The following ABR variants were observed in gnomAD, a reference collection of about 807,000 sequenced individuals.
ABR encodes the protein active breakpoint cluster region-related protein.
In ABR, 35 loss-of-function variants were observed where a neutral mutation model predicts 107.2. That is an observed-to-expected ratio of 0.33 (90% CI 0.25 to 0.43). ABR has a LOEUF of 0.43. Ranked by LOEUF, ABR falls within the 20% of genes least tolerant of loss-of-function variation. The pLI is 1.00. For missense variants in ABR, 815 were observed against 1,115.2 expected (o/e 0.73, Z 3.83); for synonymous variants, 498 against 462.0 (o/e 1.08, Z -1.00).
chr17:1,033,749 AC>A (rs1184078031), intron 16 of ABR, among the ~76,000 whole-genome samples: 5 of 152,142 alleles, frequency 3.3e-5, no homozygotes, highest in Non-Finnish European at 7.4e-5. Flanking sequence ...CAACAGCCTC[AC>A]CAGCACCGCC....
chr17:1,152,585 C>T (rs2040843793), intron 1 of ABR, among the ~76,000 whole-genome samples: 1 of 151,356 alleles, frequency 6.6e-6, no homozygotes, highest in Admixed American at 6.6e-5. Context: ...GAGTGAAACT[C>T]TGTCTCAAAA....
At chr17:1,175,345 G>A (rs891208007) in intron 1 of ABR, among the ~76,000 whole-genome samples, 18 of 152,314 alleles carry the variant, frequency 1.2e-4, no homozygotes, top group African/African-American at 4.3e-4. Flanking sequence ...CGGGGAGGCG[G>A]AGGTTGCAGT....
intron 1 of ABR, among the ~76,000 whole-genome samples, chr17:1,135,526 G>A (rs2040023374): frequency 6.6e-6 from 1 of 151,862 alleles, no homozygotes; most frequent in African/African-American, 2.4e-5. Context: ...ATGAGAGAGG[G>A]AAGAGCAGCT....
At chr17:1,012,326 G>A (rs759705974) in intron 18 of ABR, 76 of 639,204 alleles carry the variant, frequency 1.2e-4, no homozygotes, top group East Asian at 6.4e-5. Context: ...CTGAGACAAG[G>A]GGCCAGGGTG....
At chr17:1,139,644 A>G (rs2040214829) in intron 1 of ABR, among the ~76,000 whole-genome samples, 1 of 151,866 alleles carries the variant, frequency 6.6e-6, no homozygotes, top group Non-Finnish European at 1.5e-5. Flanking sequence ...CCTCCGTACC[A>G]TTATGACTCA....
chr17:1,119,989 G>A (rs183078780), intron 2 of ABR, among the ~76,000 whole-genome samples: 248 of 152,262 alleles, frequency 1.6e-3, no homozygotes, highest in African/African-American at 5.7e-3. Flanking sequence ...CCAACTCCTG[G>A]GCTCAAGCGA....
intron 1 of ABR, among the ~76,000 whole-genome samples, chr17:1,196,929 C>T (rs139070141): frequency 0.055 from 8,377 of 151,734 alleles, 906 homozygotes; most frequent in African/African-American, 0.19. Flanking sequence ...CTCCTGACCT[C>T]GTGATCCATC....
chr17:1,067,759 G>A (rs2258173), intron 9 of ABR, among the ~76,000 whole-genome samples: 28,972 of 152,022 alleles, frequency 0.19, 3,089 homozygotes, highest in South Asian at 0.25. Flanking sequence ...GTTGATTAGT[G>A]ATGTCTGCCA....
chr17:1,088,689 G>A (rs1482955148), intron 4 of ABR, among the ~76,000 whole-genome samples: 7 of 151,828 alleles, frequency 4.6e-5, no homozygotes, highest in South Asian at 2.1e-4. Context: ...GAGTTCAAGC[G>A]ATTCTCCCAC....
At chr17:1,063,193 C>T (rs75720615) in intron 10 of ABR, among the ~76,000 whole-genome samples, 2 of 100,688 alleles carry the variant, frequency 2.0e-5, no homozygotes, top group African/African-American at 8.1e-5. Context: ...GAACTGAGGG[C>T]TATGCATGTT....
rs568189434 is a variant in ABR, at chr17:1,108,466, C to A, written c.247-7731G>T. 8.5e-5 allele frequency among the ~76,000 whole-genome samples: 13 copies of A among 152,384 alleles called. No individual in the cohort carries two copies. The South Asian group carries it at 2.5e-3, about 29-fold the overall frequency. ...GCCTCCAAGCCAGCTGTTCCCTCCC[C>A]CCTTCAGCTGACCCAGTGCTTTTCC... On this transcript the variant is annotated intron_variant, in intron 2 of 22. Transcript: ENST00000302538.
intron 1 of ABR, among the ~76,000 whole-genome samples, chr17:1,222,344 C>T (rs1202903391): frequency 3.9e-5 from 6 of 152,162 alleles, no homozygotes; most frequent in East Asian, 1.9e-4. Context: ...GGATTACAGG[C>T]GTACGTGAGC....
chr17:1,205,683 G>A (rs1008099154), intron 1 of ABR, among the ~76,000 whole-genome samples: 16 of 152,230 alleles, frequency 1.1e-4, no homozygotes, highest in Non-Finnish European at 2.2e-4. Context: ...GGCGGCTCAC[G>A]CCTGTAATCC....
chr17:1,007,363 G>A (rs771807791), intron 21 of ABR, 51 bp from the exon 22 acceptor site: 38 of 1,606,734 alleles, frequency 2.4e-5, no homozygotes, highest in African/African-American at 5.3e-5. Context: ...GCAGCCACTC[G>A]GAGCTCCAGG....
chr17:1,030,073 G>A (rs1048595136), intron 16 of ABR, among the ~76,000 whole-genome samples: 26 of 152,338 alleles, frequency 1.7e-4, no homozygotes, highest in African/African-American at 3.8e-4. Context: ...ATAGCCCGGC[G>A]TCTGCCTGGC....
At chr17:1,095,632 C>T (rs913861275) in intron 3 of ABR, among the ~76,000 whole-genome samples, 138 of 152,174 alleles carry the variant, frequency 9.1e-4, no homozygotes, top group African/African-American at 3.2e-3. Context: ...CTCTCCATTT[C>T]ACCACTCGAG....
chr17:1,098,111 C>T (rs1183752970), intron 3 of ABR, among the ~76,000 whole-genome samples: 3 of 147,552 alleles, frequency 2.0e-5, no homozygotes, highest in Admixed American at 6.8e-5. Context: ...CTCACTGTGT[C>T]GCCCAGGCTG....
chr17:1,029,299 C>T (rs1348735053), intron 16 of ABR, among the ~76,000 whole-genome samples: 1 of 151,952 alleles, frequency 6.6e-6, no homozygotes, highest in Non-Finnish European at 1.5e-5. Flanking sequence ...CAAGAACAGC[C>T]CAACCACAGG....
chr17:1,055,216 T>G (rs1387954624), intron 14 of ABR: 1 of 152,028 alleles, frequency 6.6e-6, no homozygotes, highest in Non-Finnish European at 1.5e-5. Context: ...AAAAAAAAAT[T>G]TTTTAAAAAT....
Sources: gnomAD v4.1 joint callset for allele counts (sites outside exome capture counted in the v4.1 genomes callset) on GRCh38, gnomAD v4.1.1 for gene constraint, MANE v1.5 for transcripts, NCBI Gene and HGNC (gene_info 2026-07-23, HGNC 2026-07-21) for gene names.